RIN2: variants seen among roughly 807,000 people sequenced by gnomAD.
The protein encoded by RIN2 is Ras and Rab interactor 2, also known as RAB5 interacting protein 2.
Under a neutral mutation model 78.0 loss-of-function variants are expected in RIN2, and 36 were observed. The observed-to-expected ratio is 0.46, with a 90% CI of 0.35 to 0.61. RIN2 has a LOEUF of 0.61. Among genes scored for constraint, RIN2 ranks in the 20% least tolerant of loss-of-function variants. The probability of loss-of-function intolerance (pLI) is 0.00; values close to 1 mark genes in which losing one functional copy is unlikely to be tolerated. For synonymous variants in RIN2, 466 were observed against 466.8 expected, an observed-to-expected ratio of 1.00 and a Z score of 0.02; for missense variants, 1,087 against 1,159.7, an observed-to-expected ratio of 0.94 and a Z score of 0.91.
chr20:19,848,687 G>C (rs1484887932), intron 2 of RIN2, among the ~76,000 whole-genome samples: 2 of 151,358 alleles, frequency 1.3e-5, no homozygotes, highest in Non-Finnish European at 2.9e-5. Context: ...GTACATAGCA[G>C]TTATTTATTT....
intron 3 of RIN2, among the ~76,000 whole-genome samples, chr20:19,934,066 T>C (rs1383354649): frequency 6.6e-6 from 1 of 152,176 alleles, no homozygotes; most frequent in East Asian, 1.9e-4. Context: ...TGCCTCGGCC[T>C]CCCAAAGTGC....
chr20:19,936,283 A>C (rs988279573), intron 4 of RIN2, among the ~76,000 whole-genome samples: 1 of 152,078 alleles, frequency 6.6e-6, no homozygotes, highest in South Asian at 2.1e-4. Context: ...GCATTCTATG[A>C]TTGTTCTTGA....
intron 2 of RIN2, among the ~76,000 whole-genome samples, chr20:19,840,017 T>C (rs2036535896): frequency 6.6e-6 from 1 of 152,214 alleles, no homozygotes; most frequent in Non-Finnish European, 1.5e-5. Context: ...AAAATTAATA[T>C]ACCAAATGAT....
At chr20:19,836,616 C>T (rs1272019216) in intron 2 of RIN2, among the ~76,000 whole-genome samples, 1 of 151,678 alleles carries the variant, frequency 6.6e-6, no homozygotes, top group East Asian at 1.9e-4. Flanking sequence ...TCTCTCTCTC[C>T]ATTTATCTAA....
intron 2 of RIN2, among the ~76,000 whole-genome samples, chr20:19,857,288 C>T (rs773027007): frequency 2.6e-5 from 4 of 152,134 alleles, no homozygotes; most frequent in Admixed American, 6.5e-5. Context: ...AATGCATCCA[C>T]GTTGCTTCAT....
chr20:19,759,325 A>C (rs1249197033), intron 1 of RIN2, among the ~76,000 whole-genome samples: 2 of 152,158 alleles, frequency 1.3e-5, no homozygotes, highest in African/African-American at 4.8e-5. Context: ...TCTTAGGAAC[A>C]CGCTGTCATC....
chr20:19,935,119 G>A lies in RIN2; in HGVS notation c.78G>A (p.Ser26=), dbSNP rs377404678. The A allele has an allele frequency of 2.1e-4, 334 of 1,600,718 alleles. 2 individuals carry two copies. In the South Asian group the frequency reaches 2.6e-3, roughly 12 times the overall value. The change falls in exon 4 of 13, where the codon TCG becomes TCA. Residue 26 remains serine (S), a synonymous_variant. Coordinates refer to ENST00000255006, the MANE Select transcript of RIN2 (RefSeq NM_018993.4). ...SFFKLIDTIA[S]EIGELKQEMV... is the part of the protein sequence containing the mutation. The stretch of plus-strand genomic sequence containing the variant: ...AATAGCTCATTGACACAATTGCCTC[G>A]GAGATCGGAGAACTGAAACAGGAGA...
At chr20:19,866,365 C>T (rs1016776425) in intron 2 of RIN2, among the ~76,000 whole-genome samples, 23 of 152,004 alleles carry the variant, frequency 1.5e-4, no homozygotes, top group Non-Finnish European at 3.1e-4. Context: ...GGTGGGGGAC[C>T]CCTGATATAT....
At chr20:19,825,722 G>A (rs1370458983) in intron 2 of RIN2, among the ~76,000 whole-genome samples, 2 of 152,228 alleles carry the variant, frequency 1.3e-5, no homozygotes, top group African/African-American at 4.8e-5. Context: ...CTGTCACTGA[G>A]CTTCAAACAA....
At chr20:19,936,320 C>T (rs1198852033) in intron 4 of RIN2, among the ~76,000 whole-genome samples, 1 of 152,100 alleles carries the variant, frequency 6.6e-6, no homozygotes, top group East Asian at 1.9e-4. Flanking sequence ...TTATTTTTTC[C>T]CCATAAACTA....
At chr20:19,882,427 C>T (rs2038052347) in intron 2 of RIN2, among the ~76,000 whole-genome samples, 1 of 152,110 alleles carries the variant, frequency 6.6e-6, no homozygotes, top group African/African-American at 2.4e-5. Flanking sequence ...AACTGTCATA[C>T]CACACACAAA....
At chr20:19,898,211 A>T (rs1406629607) in intron 3 of RIN2, among the ~76,000 whole-genome samples, 1 of 152,172 alleles carries the variant, frequency 6.6e-6, no homozygotes, top group East Asian at 1.9e-4. Flanking sequence ...GTGGCCATTC[A>T]TTTCTGATGC....
rs1465720269 is a variant in RIN2 at position 19,963,805 on chromosome 20, C to T, written c.464-1147C>T. ...ATTTGAAGTCAGACTACTTGCTGCT[C>T]CAGCATTTGGAAGATGTGCAGAATG... On this transcript the variant is annotated intron_variant, in intron 6 of 12. Coordinates refer to ENST00000255006, the MANE Select transcript of RIN2 (RefSeq NM_018993.4). 3.3e-5 allele frequency among the ~76,000 whole-genome samples: 5 copies of T among 150,684 alleles called. No individual in the cohort carries two copies. The South Asian group carries it at 8.4e-4, about 25-fold the overall frequency.
At chr20:19,894,956 C>A (rs2038653558) in intron 3 of RIN2, among the ~76,000 whole-genome samples, 1 of 152,140 alleles carries the variant, frequency 6.6e-6, no homozygotes, top group South Asian at 2.1e-4. Flanking sequence ...TTTCCCGGAA[C>A]TCTTCCTCCA....
At chr20:19,987,288 TTAA>T (rs1426923970) in intron 9 of RIN2, among the ~76,000 whole-genome samples, 1 of 152,246 alleles carries the variant, frequency 6.6e-6, no homozygotes, top group Non-Finnish European at 1.5e-5. Flanking sequence ...ACGTTTCTAA[TTAA>T]TGACTGACAT....
chr20:19,905,168 G>A (rs369594874), intron 3 of RIN2, among the ~76,000 whole-genome samples: 20 of 152,038 alleles, frequency 1.3e-4, no homozygotes, highest in Admixed American at 6.6e-4. Flanking sequence ...TCTCTGCCCC[G>A]ATTCAGAATC....
At chr20:19,933,173 C>A (rs541106720) in intron 3 of RIN2, among the ~76,000 whole-genome samples, 1 of 152,176 alleles carries the variant, frequency 6.6e-6, no homozygotes, top group African/African-American at 2.4e-5. Context: ...CCAAGGTGAT[C>A]GGTTTAGACC....
At chr20:19,854,595 C>T (rs1196015828) in intron 2 of RIN2, among the ~76,000 whole-genome samples, 1 of 152,190 alleles carries the variant, frequency 6.6e-6, no homozygotes. Context: ...AGGTCCTTCA[C>T]ATCCCTTATA....
At chr20:19,773,210 C>T (rs1012017291) in intron 1 of RIN2, among the ~76,000 whole-genome samples, 7 of 152,298 alleles carry the variant, frequency 4.6e-5, no homozygotes, top group African/African-American at 1.4e-4. Context: ...CTCCAGGTTT[C>T]CCCTTTCCTG....
Sources: gnomAD v4.1 joint callset for allele counts (sites outside exome capture counted in the v4.1 genomes callset) on GRCh38, gnomAD v4.1.1 for gene constraint, MANE v1.5 for transcripts, NCBI Gene and HGNC (gene_info 2026-07-23, HGNC 2026-07-21) for gene names.